CTNNA2: variants seen among roughly 807,000 people sequenced by gnomAD.
CTNNA2 encodes the protein catenin alpha-2.
A neutral mutation model predicts 101.0 loss-of-function variants in CTNNA2; 42 were observed. That is an observed-to-expected ratio of 0.42 (90% CI 0.32 to 0.54). The LOEUF is 0.54. Ranked by LOEUF, CTNNA2 falls within the 20% of genes least tolerant of loss-of-function variation. CTNNA2 has a pLI of 0.14. For synonymous variants in CTNNA2, 450 were observed against 456.4 expected, an observed-to-expected ratio of 0.99 and a Z score of 0.18; for missense variants, 871 against 1,223.1, an observed-to-expected ratio of 0.71 and a Z score of 4.29.
intron 7 of CTNNA2, among the ~76,000 whole-genome samples, chr2:80,141,957 C>T (rs1442563272): frequency 9.9e-5 from 15 of 151,826 alleles, no homozygotes; most frequent in Admixed American, 9.8e-4. Flanking sequence ...CAAATGGATC[C>T]GCTGGCACAT....
intron 15 of CTNNA2, 23 bp downstream of exon 15, chr2:80,589,508 T>C (rs1266719138): frequency 6.2e-7 from 1 of 1,604,928 alleles, no homozygotes; most frequent in South Asian, 1.1e-5. Context: ...GCCAGGGAGC[T>C]GAAGATTTTT....
intron 4 of CTNNA2, among the ~76,000 whole-genome samples, chr2:79,443,222 A>T (rs558021285): frequency 5.8e-4 from 88 of 152,282 alleles, no homozygotes; most frequent in African/African-American, 2.0e-3. Flanking sequence ...TGCAAGCTGG[A>T]GACCTAAGGA....
In CTNNA2 at chr2:80,449,775, G is replaced by A. The variant is rs115139455; in HGVS notation, c.1290+30174G>A. Among the ~76,000 whole-genome samples the A allele has an allele frequency of 8.2e-3, 1,245 of 152,256 alleles. 15 individuals carry two copies. Among genetic ancestry groups the A allele is most frequent in the African/African-American group, 0.029 (1,185 of 41,534 alleles). On this transcript the variant is annotated intron_variant, in intron 9 of 18. Transcript: ENST00000402739. ...AATCCAGGGTCACTAGGTTCTGGGG[G>A]CCATGTGCCTTTCTGTAGCTCACAC...
chr2:80,609,362 C>G (rs901928654), intron 17 of CTNNA2, among the ~76,000 whole-genome samples: 1 of 151,720 alleles, frequency 6.6e-6, no homozygotes, highest in African/African-American at 2.4e-5. Context: ...GAAAACATAG[C>G]TGGGAAAAGA....
chr2:79,326,081 T>C (rs1433069851), intron 3 of CTNNA2, among the ~76,000 whole-genome samples: 1 of 152,206 alleles, frequency 6.6e-6, no homozygotes. Flanking sequence ...TACATCAGCA[T>C]TTATTTGTTC....
intron 13 of CTNNA2, among the ~76,000 whole-genome samples, chr2:80,575,711 C>A (rs988448702): frequency 1.4e-4 from 22 of 152,056 alleles, no homozygotes; most frequent in Admixed American, 1.0e-3. Flanking sequence ...TTTGTCACAA[C>A]CATTCACCTA....
intron 2 of CTNNA2, among the ~76,000 whole-genome samples, chr2:79,723,481 C>T (rs776753496): frequency 2.6e-5 from 4 of 152,102 alleles, no homozygotes; most frequent in Non-Finnish European, 5.9e-5. Context: ...ACTCATCAAC[C>T]GACTACCTCT....
chr2:79,668,004 G>A (rs1051350437), intron 2 of CTNNA2, among the ~76,000 whole-genome samples: 1 of 150,948 alleles, frequency 6.6e-6, no homozygotes, highest in Non-Finnish European at 1.5e-5. Flanking sequence ...ACTTTGGGAG[G>A]CCGAGGCGGG....
rs188848973 is a variant in CTNNA2, at chr2:80,098,502, G to A, written c.1056+188705G>A. Among the ~76,000 whole-genome samples the A allele has an allele frequency of 3.1e-3, 475 of 152,310 alleles. 1 individual carries two copies. The highest frequency in any genetic ancestry group is 0.02 in the Middle Eastern group (6 of 294). The stretch of plus-strand genomic sequence containing the variant: ...TCCCCGTTCTCGGATCTCAAGCTGC[G>A]TGTTGGGAGAACCACTACTCTCTTC... On this transcript the variant is annotated intron_variant, in intron 7 of 18. Transcript: ENST00000402739.
At chr2:79,699,905 C>T (rs1684892670) in intron 2 of CTNNA2, among the ~76,000 whole-genome samples, 3 of 141,778 alleles carry the variant, frequency 2.1e-5, no homozygotes, top group East Asian at 2.0e-4. Flanking sequence ...TATTTATATA[C>T]CTATGTGTGT....
In CTNNA2 at chr2:79,677,688, T is replaced by C. The variant is rs145797125; in HGVS notation, c.102+26030T>C. ...TTAGAGTTTAAAGGAACTTTGGAGA[T>C]GAATTAGCTCAACCTTCCACCCCCT... On this transcript the variant is annotated intron_variant, in intron 2 of 18. Transcript: ENST00000402739. Among the ~76,000 whole-genome samples the C allele has an allele frequency of 9.8e-5, 15 of 152,334 alleles. No individual in the cohort carries two copies. The East Asian group carries it at 2.9e-3, about 29-fold the overall frequency.
chr2:79,721,744 A>G (rs796433021), intron 2 of CTNNA2, among the ~76,000 whole-genome samples: 4 of 152,308 alleles, frequency 2.6e-5, no homozygotes, highest in African/African-American at 4.8e-5. Context: ...TCTACTGAAT[A>G]TGTTCGAATT....
intron 4 of CTNNA2, among the ~76,000 whole-genome samples, chr2:79,861,293 T>C (rs1461721658): frequency 2.6e-5 from 4 of 152,230 alleles, no homozygotes; most frequent in East Asian, 1.9e-4. Flanking sequence ...AAAATTTTAT[T>C]TGTGTTCTTT....
At chr2:79,728,205 G>C (rs1377132918) in intron 2 of CTNNA2, among the ~76,000 whole-genome samples, 1 of 152,206 alleles carries the variant, frequency 6.6e-6, no homozygotes, top group East Asian at 1.9e-4. Context: ...CAGTGTAAAA[G>C]TGTTCCTATT....
At chr2:79,359,698 A>T (rs979657316) in intron 3 of CTNNA2, among the ~76,000 whole-genome samples, 19 of 152,212 alleles carry the variant, frequency 1.2e-4, no homozygotes, top group Non-Finnish European at 2.8e-4. Context: ...TCACTTTCAG[A>T]AGAAGGTAGC....
intron 4 of CTNNA2, among the ~76,000 whole-genome samples, chr2:79,472,812 CTT>C (rs1671013773): frequency 6.6e-6 from 1 of 152,244 alleles, no homozygotes; most frequent in East Asian, 1.9e-4. Flanking sequence ...TCACTTTTCT[CTT>C]CTCTCATTTT....
chr2:79,900,285 C>A (rs2104274790), intron 6 of CTNNA2, among the ~76,000 whole-genome samples: 1 of 152,174 alleles, frequency 6.6e-6, no homozygotes, highest in South Asian at 2.1e-4. Context: ...AGCTGGATAG[C>A]AAACTTTTTT....
In CTNNA2 at chr2:79,221,126, T is replaced by TA. The variant is rs546202025; in HGVS notation, c.-406+23058dup. Among the ~76,000 whole-genome samples, 7 of 123,976 alleles carry TA rather than the reference T, an allele frequency of 5.6e-5. 1 individual carries two copies. The highest frequency in any genetic ancestry group is 9.1e-5 in the Admixed American group (1 of 11,032). 81.3% of individuals were successfully genotyped at this position (123,976 alleles called of 152,430 possible). ...TTTTATTACAGCAATAATAATAAGC[T>TA]AAAAAAAATCTCAAATTTGTTTTGT... On this transcript the variant is annotated intron_variant, in intron 2 of 21. Transcript: ENST00000466387.
intron 1 of CTNNA2, among the ~76,000 whole-genome samples, chr2:79,576,511 T>C (rs1306471347): frequency 6.6e-6 from 1 of 152,182 alleles, no homozygotes; most frequent in African/African-American, 2.4e-5. Flanking sequence ...ACTTTGATTC[T>C]GTAAGGACTT....
Sources: allele counts gnomAD v4.1 joint callset (sites outside exome capture counted in the v4.1 genomes callset), GRCh38; gene constraint gnomAD v4.1.1; transcripts MANE v1.5; gene names NCBI Gene and HGNC (gene_info 2026-07-23, HGNC 2026-07-21).